TPO: variants seen among roughly 807,000 people sequenced by gnomAD.
The protein encoded by TPO is thyroid peroxidase, also known as thyroid microsomal antigen.
TPO carries 78 observed loss-of-function variants against 96.9 expected under a neutral mutation model. That is an observed-to-expected ratio of 0.81 (90% CI 0.67 to 0.97). The LOEUF is 0.97. TPO is among the 50% of genes least tolerant of loss of function. TPO has a pLI of 0.00. For missense variants in TPO, 1,252 were observed against 1,274.8 expected (o/e 0.98, Z 0.27); for synonymous variants, 547 against 538.0 (o/e 1.02, Z -0.23).
chr2:1,433,366 A>G, intron 3 of TPO, 72 bp from the exon 4 acceptor site: 1 of 1,572,704 alleles, frequency 6.4e-7, no homozygotes, highest in Non-Finnish European at 8.7e-7. Flanking sequence ...TGTCTGCTTA[A>G]TTAATTAGTA....
chr2:1,504,654 G>A (rs1054490886), intron 14 of TPO, among the ~76,000 whole-genome samples: 64 of 152,274 alleles, frequency 4.2e-4, no homozygotes, highest in African/African-American at 1.5e-3. Flanking sequence ...TGCCAGCTAC[G>A]CCCAAACTTT....
rs1204180918 is a variant in TPO, at chr2:1,485,058, G to T, written c.1597+204G>T. On this transcript the variant is annotated intron_variant, in intron 9 of 16. Coordinates refer to ENST00000329066, the MANE Select transcript of TPO (RefSeq NM_001206744.2). ...TTCTCCTAATGCTATCCCTCCCCCT[G>T]ACCCCCACCCCACGACAGACGGGAT... 5.6e-3 allele frequency among the ~76,000 whole-genome samples: 768 copies of T among 136,306 alleles called. 4 individuals carry two copies. The highest frequency in any genetic ancestry group is 0.02 in the African/African-American group (703 of 35,542). The allele number at this position is 136,306 out of a possible 152,430, so 89.4% of individuals were successfully genotyped here. A position where few individuals can be genotyped will look rare whatever the true frequency, so the allele number is the denominator to read the frequency against.
chr2:1,423,133 A>C lies in TPO; in HGVS notation c.179+4A>C. ...CCATGTACGCCACGATGCAGAGGTGAGCCTTGCGGAGGGGCCGCCGCCCCA... is the reference window on the plus strand; with the variant it reads ...CCATGTACGCCACGATGCAGAGGTGCGCCTTGCGGAGGGGCCGCCGCCCCA... On this transcript the variant is annotated splice_donor_region_variant and intron_variant, in intron 3 of 16. Coordinates refer to ENST00000329066, the MANE Select transcript of TPO (RefSeq NM_001206744.2). The C allele has an allele frequency of 5.6e-6, 9 of 1,613,444 alleles. No individual in the cohort carries two copies. Among genetic ancestry groups the C allele is most frequent in the Non-Finnish European group, 7.6e-6 (9 of 1,180,016 alleles).
intron 2 of TPO, among the ~76,000 whole-genome samples, chr2:1,421,205 C>T (rs1378083560): frequency 1.3e-5 from 2 of 152,158 alleles, no homozygotes; most frequent in Admixed American, 6.5e-5. Context: ...GAGCACTGAA[C>T]GCTTGCCAGG....
chr2:1,376,552 G>C (rs947798907), intron 1 of TPO, among the ~76,000 whole-genome samples: 39 of 152,252 alleles, frequency 2.6e-4, no homozygotes, highest in African/African-American at 9.4e-4. Context: ...CCAGCGTGGG[G>C]CTGAGGCTGT....
chr2:1,475,989 C>T (rs1256433326), intron 7 of TPO, among the ~76,000 whole-genome samples: 2 of 152,144 alleles, frequency 1.3e-5, no homozygotes, highest in African/African-American at 4.8e-5. Flanking sequence ...CCATCAGGAG[C>T]TCGGCCTGTC....
chr2:1,520,498 G>T (rs1675137647), intron 15 of TPO, among the ~76,000 whole-genome samples: 1 of 152,190 alleles, frequency 6.6e-6, no homozygotes. Context: ...AAAGGTGTTT[G>T]CTTCTCTACT....
intron 14 of TPO, among the ~76,000 whole-genome samples, chr2:1,509,727 C>T (rs1451875246): frequency 6.8e-6 from 1 of 146,352 alleles, no homozygotes; most frequent in Non-Finnish European, 1.5e-5. Context: ...CAGGCACAGC[C>T]CACCCTCTTG....
chr2:1,380,473 T>A (rs1661794281), intron 1 of TPO, among the ~76,000 whole-genome samples: 1 of 152,042 alleles, frequency 6.6e-6, no homozygotes, highest in African/African-American at 2.4e-5. Context: ...AATGGTCATG[T>A]TCATCATTAT....
At chr2:1,460,707 C>T (rs57005689) in intron 7 of TPO, among the ~76,000 whole-genome samples, 46,195 of 152,098 alleles carry the variant, frequency 0.3, 7,524 homozygotes, top group South Asian at 0.35. Context: ...TTGCTGGAAG[C>T]GTAGACCTCT....
Position 1,542,837 on chromosome 2 carries a change from C to A in TPO, c.*363C>A. The stretch of plus-strand genomic sequence containing the variant: ...TCTGCACTCTGCCCCGGCGGTCCCT[C>A]CAGCACTGGTTTTTCCACACCCCCT... On this transcript the variant is annotated 3_prime_UTR_variant, in exon 17 of 17. Transcript: ENST00000329066. 2.4e-6 allele frequency: 1 copy of A among 414,904 alleles called. No individual in the cohort carries two copies. Among genetic ancestry groups the A allele is most frequent in the Non-Finnish European group, 4.4e-6 (1 of 225,824 alleles). The allele number at this position is 414,904 out of a possible 1,614,324, so 25.7% of individuals were successfully genotyped here.
chr2:1,461,764 C>T (rs1421013140), intron 7 of TPO, among the ~76,000 whole-genome samples: 6 of 152,186 alleles, frequency 3.9e-5, no homozygotes, highest in African/African-American at 1.4e-4. Flanking sequence ...GACCCACACA[C>T]ACACCTGCAC....
In TPO at chr2:1,496,207, G is replaced by A. The variant is rs776741489; in HGVS notation, c.2215+10G>A. The A allele has an allele frequency of 2.0e-5, 33 of 1,613,076 alleles. No individual in the cohort carries two copies. The highest frequency in any genetic ancestry group is 6.7e-5 in the East Asian group (3 of 44,850). The stretch of plus-strand genomic sequence containing the variant: ...GAAACCTTTCCTCAAGGTGAAGTTC[G>A]GTCTCCTCTCACACCACGTTACAGC... On this transcript the variant is annotated intron_variant, in intron 12 of 16. Coordinates refer to ENST00000329066, the MANE Select transcript of TPO (RefSeq NM_001206744.2).
intron 15 of TPO, among the ~76,000 whole-genome samples, chr2:1,521,053 A>C (rs560931543): frequency 3.3e-5 from 5 of 152,266 alleles, no homozygotes; most frequent in African/African-American, 1.2e-4. Context: ...ACAATTTTTC[A>C]GGTTTTCCTT....
intron 3 of TPO, among the ~76,000 whole-genome samples, chr2:1,423,728 T>C (rs2203399): frequency 1.1e-4 from 16 of 152,226 alleles, no homozygotes; most frequent in African/African-American, 2.9e-4. Context: ...GTTCTTGAGA[T>C]ACAAAATATC....
intron 1 of TPO, among the ~76,000 whole-genome samples, chr2:1,385,299 T>C (rs936077136): frequency 6.6e-6 from 1 of 152,224 alleles, no homozygotes; most frequent in African/African-American, 2.4e-5. Context: ...AGCTCCTCCT[T>C]GTACCTCTGG....
At chr2:1,438,600 C>T (rs1665834722) in intron 5 of TPO, among the ~76,000 whole-genome samples, 1 of 150,244 alleles carries the variant, frequency 6.7e-6, no homozygotes, top group Non-Finnish European at 1.5e-5. Context: ...GCCCCACGTC[C>T]CTCCTCCACG....
At chr2:1,418,297 A>AG (rs1553296823) in intron 2 of TPO, among the ~76,000 whole-genome samples, 2 of 147,862 alleles carry the variant, frequency 1.4e-5, no homozygotes, top group South Asian at 2.1e-4. Context: ...AAAAAAAAAA[A>AG]AAAGAGAGAG....
In TPO at chr2:1,504,093, CCT is replaced by C. The variant is rs776372906; in HGVS notation, c.2518+23_2518+24del. The C allele has an allele frequency of 6.2e-7, 1 of 1,613,882 alleles. No homozygotes were observed. On this transcript the variant is annotated intron_variant, in intron 14 of 16. Transcript: ENST00000329066. ...GAACCTGCGTAGGTGAGGCTGTTCC[CCT>C]CTCTCTCTGTCCGTCCATTTGCGAG...
Sources: allele counts gnomAD v4.1 joint callset (sites outside exome capture counted in the v4.1 genomes callset), GRCh38; gene constraint gnomAD v4.1.1; transcripts MANE v1.5; gene names NCBI Gene and HGNC (gene_info 2026-07-23, HGNC 2026-07-21).